CTNNA2: variants seen among roughly 807,000 people sequenced by gnomAD.
CTNNA2 encodes catenin alpha-2.
Under a neutral mutation model 101.0 loss-of-function variants are expected in CTNNA2, and 42 were observed. The ratio of observed to expected loss-of-function variants is 0.42; its 90% confidence interval spans 0.32 to 0.54. CTNNA2 has a LOEUF of 0.54. Among genes scored for constraint, CTNNA2 ranks in the 20% least tolerant of loss-of-function variants. CTNNA2 has a pLI of 0.14. For synonymous variants in CTNNA2, 450 were observed against 456.4 expected (o/e 0.99, Z 0.18); for missense variants, 871 against 1,223.1 (o/e 0.71, Z 4.29).
At chr2:80,644,226 TG>T (rs917972304) in intron 18 of CTNNA2, among the ~76,000 whole-genome samples, 1 of 152,090 alleles carries the variant, frequency 6.6e-6, no homozygotes, top group African/African-American at 2.4e-5. Flanking sequence ...ACTTATTAAA[TG>T]GGGAGTAATA....
intron 7 of CTNNA2, among the ~76,000 whole-genome samples, chr2:79,935,185 T>G (rs1687694098): frequency 6.6e-6 from 1 of 152,144 alleles, no homozygotes; most frequent in Non-Finnish European, 1.5e-5. Context: ...ATTACTTCTT[T>G]TGATTCTGCT....
intron 7 of CTNNA2, among the ~76,000 whole-genome samples, chr2:80,034,353 T>C (rs890872349): frequency 9.9e-5 from 4 of 40,300 alleles, no homozygotes; most frequent in African/African-American, 2.0e-4. Context: ...CATTTTTTTT[T>C]CTTTTTTTTT....
At chr2:80,215,632 C>T (rs1573415718) in intron 7 of CTNNA2, among the ~76,000 whole-genome samples, 1 of 152,146 alleles carries the variant, frequency 6.6e-6, no homozygotes, top group Non-Finnish European at 1.5e-5. Context: ...AGCTTCGTCT[C>T]AGAGGGGCAC....
intron 7 of CTNNA2, among the ~76,000 whole-genome samples, chr2:80,079,837 TAAAATAAAATAAAATA>T (rs1206171216): frequency 2.6e-5 from 2 of 75,658 alleles, no homozygotes; most frequent in East Asian, 1.0e-3. Context: ...ATAAATAAAA[TAAAATAAAATAAAATA>T]AAATAAAATA....
chr2:79,217,091 T>C (rs926905545), intron 2 of CTNNA2, among the ~76,000 whole-genome samples: 1 of 152,038 alleles, frequency 6.6e-6, no homozygotes, highest in African/African-American at 2.4e-5. Context: ...GTGGCGCCAA[T>C]ATTGAAAGGA....
intron 9 of CTNNA2, among the ~76,000 whole-genome samples, chr2:80,501,339 A>G (rs997666356): frequency 3.3e-5 from 5 of 152,224 alleles, no homozygotes; most frequent in Non-Finnish European, 7.3e-5. Flanking sequence ...ATAGAGCCAT[A>G]TTCTTTTGAA....
intron 1 of CTNNA2, among the ~76,000 whole-genome samples, chr2:79,583,786 G>A (rs951504739): frequency 2.6e-5 from 4 of 152,088 alleles, no homozygotes; most frequent in Non-Finnish European, 4.4e-5. Flanking sequence ...TAATGACTTG[G>A]AGACTCTTAT....
intron 1 of CTNNA2, among the ~76,000 whole-genome samples, chr2:79,651,348 A>C (rs1681235219): frequency 6.6e-6 from 1 of 152,138 alleles, no homozygotes; most frequent in Admixed American, 6.6e-5. Context: ...TATGCTGAGG[A>C]GGCCTCAGTT....
At chr2:79,952,645 C>T (rs753684338) in intron 7 of CTNNA2, among the ~76,000 whole-genome samples, 1 of 152,090 alleles carries the variant, frequency 6.6e-6, no homozygotes, top group Admixed American at 6.6e-5. Flanking sequence ...AAATTGAATC[C>T]TAGTCTGGGA....
chr2:79,858,546 G>T (rs149595817), intron 4 of CTNNA2, among the ~76,000 whole-genome samples: 10 of 152,206 alleles, frequency 6.6e-5, no homozygotes, highest in Non-Finnish European at 1.2e-4. Flanking sequence ...AGTTCAGGTT[G>T]GGGTCAGCTC....
At chr2:80,646,089 G>GTCCCA (rs1674057356) in intron 18 of CTNNA2, among the ~76,000 whole-genome samples, 1 of 152,092 alleles carries the variant, frequency 6.6e-6, no homozygotes, top group African/African-American at 2.4e-5. Context: ...CCTCAATACT[G>GTCCCA]CGTGGGACAT....
At chr2:79,521,484 A>G (rs1179480861) in intron 1 of CTNNA2, among the ~76,000 whole-genome samples, 1 of 152,092 alleles carries the variant, frequency 6.6e-6, no homozygotes, top group Admixed American at 6.6e-5. Context: ...TCACATGGAC[A>G]TTCCCAGTCT....
chr2:79,579,552 G>T (rs1676018636), intron 1 of CTNNA2, among the ~76,000 whole-genome samples: 1 of 152,068 alleles, frequency 6.6e-6, no homozygotes, highest in South Asian at 2.1e-4. Context: ...TTTGCTTGGG[G>T]TGCAGGACAG....
intron 6 of CTNNA2, among the ~76,000 whole-genome samples, chr2:79,903,304 T>C (rs747251642): frequency 6.6e-6 from 1 of 152,030 alleles, no homozygotes; most frequent in Admixed American, 6.6e-5. Context: ...TCCTCACCTC[T>C]CTTTTGGGCT....
At chr2:80,227,731 G>A (rs1708969380) in intron 7 of CTNNA2, among the ~76,000 whole-genome samples, 1 of 152,134 alleles carries the variant, frequency 6.6e-6, no homozygotes, top group South Asian at 2.1e-4. Flanking sequence ...CAACCAGATT[G>A]ACTGATGAAG....
At chr2:79,667,909 A>G (rs17017466) in intron 2 of CTNNA2, among the ~76,000 whole-genome samples, 1,737 of 152,298 alleles carry the variant, frequency 0.011, 67 homozygotes, top group East Asian at 0.11. Flanking sequence ...TTAATCATAC[A>G]TTATTCTGAA....
At chr2:79,610,135 G>T (rs2104184874) in intron 1 of CTNNA2, among the ~76,000 whole-genome samples, 1 of 152,156 alleles carries the variant, frequency 6.6e-6, no homozygotes, top group South Asian at 2.1e-4. Context: ...TATCAAAGAA[G>T]ATATAAATAT....
intron 4 of CTNNA2, among the ~76,000 whole-genome samples, chr2:79,465,832 G>C (rs574965056): frequency 2.0e-5 from 3 of 152,136 alleles, no homozygotes; most frequent in African/African-American, 7.2e-5. Flanking sequence ...CATTGATTTT[G>C]TATCCTGAGA....
intron 13 of CTNNA2, among the ~76,000 whole-genome samples, chr2:80,579,743 G>A (rs1031704171): frequency 6.6e-5 from 10 of 152,198 alleles, no homozygotes; most frequent in African/African-American, 2.4e-4. Context: ...AAATTACTAG[G>A]CATAACGTGC....
Sources: allele counts gnomAD v4.1 joint callset (sites outside exome capture counted in the v4.1 genomes callset), GRCh38; gene constraint gnomAD v4.1.1; transcripts MANE v1.5; gene names NCBI Gene and HGNC (gene_info 2026-07-23, HGNC 2026-07-21).